ASB15: variants seen among roughly 807,000 people sequenced by gnomAD.
ASB15 encodes the protein ankyrin repeat and SOCS box containing 15.
In ASB15, 54 loss-of-function variants were observed where a neutral mutation model predicts 58.0. That is an observed-to-expected ratio of 0.93 (90% CI 0.75 to 1.17). The LOEUF (loss-of-function observed/expected upper bound fraction) is 1.17. Among genes scored for constraint, ASB15 ranks in the 50% most tolerant of loss-of-function variants. The probability of loss-of-function intolerance (pLI) is 0.00; values close to 1 mark genes in which losing one functional copy is unlikely to be tolerated. For missense variants in ASB15, 680 were observed against 707.4 expected, an observed-to-expected ratio of 0.96 and a Z score of 0.44; for synonymous variants, 249 against 262.4, an observed-to-expected ratio of 0.95 and a Z score of 0.50.
intron 8 of ASB15, among the ~76,000 whole-genome samples, chr7:123,626,225 C>T (rs974988014): frequency 5.9e-5 from 9 of 152,130 alleles, no homozygotes; most frequent in Non-Finnish European, 8.8e-5. Flanking sequence ...TAGAGGGGGC[C>T]GGGCACCATG....
At chr7:123,623,915 GAA>G (rs1801522484) in intron 7 of ASB15, among the ~76,000 whole-genome samples, 1 of 91,080 alleles carries the variant, frequency 1.1e-5, no homozygotes, top group Non-Finnish European at 2.2e-5. Flanking sequence ...AGGAAGGAAG[GAA>G]GGAAGAAAGA....
chr7:123,570,180 G>A (rs575296963), intron 1 of ASB15, among the ~76,000 whole-genome samples: 12 of 151,706 alleles, frequency 7.9e-5, no homozygotes, highest in South Asian at 4.2e-4. Flanking sequence ...GACCACAGGC[G>A]CCCGCCACCA....
intron 11 of ASB15, among the ~76,000 whole-genome samples, chr7:123,636,397 T>C (rs757607990): frequency 5.3e-5 from 8 of 152,224 alleles, no homozygotes; most frequent in African/African-American, 9.6e-5. Context: ...TCTGTGTCGA[T>C]GTTTCATGGA....
chr7:123,617,114 A>T (rs79730750), intron 6 of ASB15, among the ~76,000 whole-genome samples: 2,569 of 152,216 alleles, frequency 0.017, 75 homozygotes, highest in African/African-American at 0.058. Flanking sequence ...GGAGATACAT[A>T]CTTGATTATA....
rs189446416 is a variant in ASB15, at chr7:123,587,909, C to G, written c.-442-16123C>G. Reference sequence around the variant, plus strand: ...TGCCACTTAACCATGGTACATAATCCTTTTAATGCACTGCTGAATTTGGTT... The same window carrying G: ...TGCCACTTAACCATGGTACATAATCGTTTTAATGCACTGCTGAATTTGGTT... On this transcript the variant is annotated intron_variant, in intron 1 of 13. Transcript: ENST00000451558. 3.3e-5 allele frequency among the ~76,000 whole-genome samples: 5 copies of G among 151,682 alleles called. No homozygotes were observed. In the East Asian group the frequency reaches 9.7e-4, roughly 29 times the overall value.
chr7:123,569,585 C>G (rs1798851331), intron 1 of ASB15, among the ~76,000 whole-genome samples: 1 of 152,088 alleles, frequency 6.6e-6, no homozygotes, highest in Non-Finnish European at 1.5e-5. Flanking sequence ...CTGCTGTCAG[C>G]CCCTAGGGGA....
intron 1 of ASB15, among the ~76,000 whole-genome samples, chr7:123,586,363 C>T (rs989460189): frequency 6.6e-6 from 1 of 151,738 alleles, no homozygotes; most frequent in Non-Finnish European, 1.5e-5. Context: ...CTGTTGGACA[C>T]TTGTATATCT....
chr7:123,576,703 A>G (rs1312228098), intron 1 of ASB15, among the ~76,000 whole-genome samples: 1 of 152,146 alleles, frequency 6.6e-6, no homozygotes, highest in Non-Finnish European at 1.5e-5. Flanking sequence ...ATGCTGCAGT[A>G]AAAGAAAACA....
rs751474588 is a variant in ASB15 at position 123,636,797 on chromosome 7, G to A, written c.1595-12G>A. 90 of 1,588,242 alleles carry A rather than the reference G, an allele frequency of 5.7e-5. No individual in the cohort carries two copies. Among genetic ancestry groups the A allele is most frequent in the Middle Eastern group, 1.7e-4 (1 of 5,860 alleles). On this transcript the variant is annotated splice_polypyrimidine_tract_variant and intron_variant, in intron 11 of 11. Transcript: ENST00000451215. ...AAAAAATTTTTTTGCTTATTTTCCC[G>A]ATTTCTTTTAGAGAATCCTTGTTCA... is the stretch of plus-strand genomic sequence containing the variant.
intron 1 of ASB15, among the ~76,000 whole-genome samples, chr7:123,579,018 G>A (rs963033429): frequency 2.6e-5 from 4 of 151,992 alleles, no homozygotes; most frequent in African/African-American, 7.2e-5. Context: ...AATAGTGATT[G>A]TAGTACTAAT....
At chr7:123,584,408 G>A (rs923565208) in intron 1 of ASB15, among the ~76,000 whole-genome samples, 6 of 151,606 alleles carry the variant, frequency 4.0e-5, no homozygotes, top group African/African-American at 1.5e-4. Context: ...AGGCATCAGT[G>A]TTTTCTAAAG....
In ASB15 at chr7:123,628,984, T is replaced by C. The variant is rs766289957; in HGVS notation, c.990T>C (p.Asn330=). 1.9e-6 allele frequency: 3 copies of C among 1,613,102 alleles called. No homozygotes were observed. Among genetic ancestry groups the C allele is most frequent in the African/African-American group, 1.3e-5 (1 of 74,868 alleles). The change falls in exon 10 of 12, where the codon AAT becomes AAC. Residue 330 remains asparagine (N), a synonymous_variant. Transcript: ENST00000451215. The stretch of plus-strand genomic sequence containing the variant: ...AGTGTCTAGAACTGCTCATTGAAAA[T>C]GGTTTTGATGTCAACACTCTACTTG... ...NAQCLELLIE[N]GFDVNTLLAD... is the part of the protein sequence containing the mutation.
intron 1 of ASB15, among the ~76,000 whole-genome samples, chr7:123,571,785 G>A (rs570570628): frequency 6.6e-6 from 1 of 152,268 alleles, no homozygotes; most frequent in East Asian, 1.9e-4. Context: ...AGTCCCACTT[G>A]TCTATTTTTG....
Position 123,627,205 on chromosome 7 carries a change from T to C in ASB15, c.793T>C (p.Tyr265His). The C allele has an allele frequency of 6.2e-7, 1 of 1,613,944 alleles. No homozygotes were observed. The highest frequency in any genetic ancestry group is 1.1e-5 in the South Asian group (1 of 91,082). The change falls in exon 9 of 12, where the codon TAT (tyrosine) becomes CAT (histidine). Residue 265 changes from tyrosine to histidine, a missense_variant. By Grantham distance (83) the Tyr-to-His change is moderately conservative (BLOSUM62 2). Transcript: ENST00000451215. ...CGACTGCATTTCCCTCCTGCTGGAA[T>C]ATGGAGGAAGCGGAAATGTACCTAA... is the stretch of plus-strand genomic sequence containing the variant. ...NPDCISLLLE[Y>H]GGSGNVPNRA...
rs1801997533 is a variant in ASB15 at position 123,629,328 on chromosome 7, G to C, written c.1334G>C (p.Cys445Ser). The change falls in exon 10 of 12, where the codon TGC (cysteine) becomes TCC (serine). Residue 445 changes from cysteine (C) to serine (S), a missense_variant. By Grantham distance (112) the Cys-to-Ser change is moderately radical. Coordinates refer to ENST00000451215, the MANE Select transcript of ASB15 (RefSeq NM_001290258.2). ...LLNNGYQVEM[C>S]FDCMHGDIFG... ...AATAATGGCTATCAAGTGGAGATGTGCTTTGACTGCATGCATGGTGACATC... is the reference window on the plus strand; with the variant it reads ...AATAATGGCTATCAAGTGGAGATGTCCTTTGACTGCATGCATGGTGACATC... The C allele has an allele frequency of 6.2e-7, 1 of 1,613,928 alleles. No homozygotes were observed. The highest frequency in any genetic ancestry group is 1.3e-5 in the African/African-American group (1 of 74,908).
chr7:123,588,951 T>C (rs1475301812), intron 1 of ASB15, among the ~76,000 whole-genome samples: 1 of 151,906 alleles, frequency 6.6e-6, no homozygotes, highest in Non-Finnish European at 1.5e-5. Flanking sequence ...GAATTCAATC[T>C]AGTTAAATTT....
At position 123,638,861 on chromosome 7, in the gene ASB15, G is replaced by A. The variant is rs1342115843; in HGVS notation, c.*1880G>A. 1.3e-5 allele frequency: 2 copies of A among 152,168 alleles called. No homozygotes were observed. Among genetic ancestry groups the A allele is most frequent in the Non-Finnish European group, 2.9e-5 (2 of 68,048 alleles). 9.4% of individuals were successfully genotyped at this position (152,168 alleles called of 1,614,324 possible). A position where few individuals can be genotyped will look rare whatever the true frequency, so the allele number is the denominator to read the frequency against. On this transcript the variant is annotated 3_prime_UTR_variant, in exon 12 of 12. Coordinates refer to ENST00000451215, the MANE Select transcript of ASB15 (RefSeq NM_001290258.2). Reference sequence around the variant, plus strand: ...ATTATAGATGCCTGTGTTCCCTGCTGTCTTCCCACTAGACTATAAGCTCTA... The same window carrying A: ...ATTATAGATGCCTGTGTTCCCTGCTATCTTCCCACTAGACTATAAGCTCTA...
At chr7:123,613,344 A>G (rs1044822847) in intron 3 of ASB15, among the ~76,000 whole-genome samples, 2 of 152,158 alleles carry the variant, frequency 1.3e-5, no homozygotes, top group Admixed American at 6.5e-5. Context: ...TTTCATATAG[A>G]GACTATAAAA....
At chr7:123,580,399 A>G (rs1562909780) in intron 1 of ASB15, among the ~76,000 whole-genome samples, 1 of 152,048 alleles carries the variant, frequency 6.6e-6, no homozygotes, top group Non-Finnish European at 1.5e-5. Context: ...TGCTAGGCAC[A>G]GGAGAGGCTT....
Sources: allele counts gnomAD v4.1 joint callset (sites outside exome capture counted in the v4.1 genomes callset), GRCh38; gene constraint gnomAD v4.1.1; transcripts MANE v1.5; gene names NCBI Gene and HGNC (gene_info 2026-07-23, HGNC 2026-07-21).